The following TBXAS1 variants were observed in gnomAD, a reference collection of about 807,000 sequenced individuals.
TBXAS1 encodes thromboxane A synthase 1.
In TBXAS1, 48 loss-of-function variants were observed where a neutral mutation model predicts 60.7. That is an observed-to-expected ratio of 0.79 (90% CI 0.63 to 1.01). The LOEUF is 1.01. Among genes scored for constraint, TBXAS1 ranks in the 50% least tolerant of loss-of-function variants. The pLI, the probability that TBXAS1 is intolerant of heterozygous loss-of-function variation, is 0.00. For missense variants in TBXAS1, 685 were observed against 686.3 expected (o/e 1.00, Z 0.02); for synonymous variants, 287 against 269.7 (o/e 1.06, Z -0.63).
chr7:139,803,746 T>A (rs4726776), intron 4 of TBXAS1, among the ~76,000 whole-genome samples: 87,800 of 152,066 alleles, frequency 0.58, 25,971 homozygotes, highest in East Asian at 0.95. Flanking sequence ...AGGTACCACT[T>A]GGACTTGTGG....
upstream of TBXAS1, among the ~76,000 whole-genome samples, chr7:139,828,033 A>C (rs1798494436): frequency 6.6e-6 from 1 of 152,076 alleles, no homozygotes. Context: ...AGGTCTCTAG[A>C]TGGCTGCAGA....
chr7:139,871,026 C>G (rs995306717), intron 1 of TBXAS1, among the ~76,000 whole-genome samples: 1 of 152,124 alleles, frequency 6.6e-6, no homozygotes, highest in African/African-American at 2.4e-5. Context: ...GAGTTTTAGG[C>G]TGCAGTGAGC....
At chr7:139,838,448 A>T (rs1322121526) in intron 1 of TBXAS1, among the ~76,000 whole-genome samples, 2 of 152,172 alleles carry the variant, frequency 1.3e-5, no homozygotes, top group African/African-American at 2.4e-5. Flanking sequence ...AGTTCCATAC[A>T]GATCTAAATT....
At chr7:139,889,230 AG>A (rs1295996470) in intron 3 of TBXAS1, among the ~76,000 whole-genome samples, 1 of 151,786 alleles carries the variant, frequency 6.6e-6, no homozygotes, top group African/African-American at 2.4e-5. Flanking sequence ...AGTACTTTGG[AG>A]GCTGAGATAG....
intron 1 of TBXAS1, among the ~76,000 whole-genome samples, chr7:139,858,105 T>G (rs1447956799): frequency 6.6e-6 from 1 of 152,186 alleles, no homozygotes; most frequent in Non-Finnish European, 1.5e-5. Context: ...ACACTCCATT[T>G]TAAGGCAGTT....
chr7:139,854,385 A>G (rs1014811408), intron 1 of TBXAS1, among the ~76,000 whole-genome samples: 5 of 152,162 alleles, frequency 3.3e-5, no homozygotes, highest in Admixed American at 2.0e-4. Flanking sequence ...TAGGTGCCAA[A>G]TAAAGGAGGT....
At chr7:139,795,289 G>A (rs1401386443) in intron 4 of TBXAS1, among the ~76,000 whole-genome samples, 2 of 124,648 alleles carry the variant, frequency 1.6e-5, no homozygotes, top group African/African-American at 6.3e-5. Context: ...TTTTTCATGT[G>A]TTTTTTGGCT....
chr7:139,877,020 C>T (rs1034539648), intron 3 of TBXAS1, among the ~76,000 whole-genome samples: 1 of 152,172 alleles, frequency 6.6e-6, no homozygotes, highest in African/African-American at 2.4e-5. Flanking sequence ...CCTGATGGTG[C>T]AAGAACATTA....
intron 9 of TBXAS1, among the ~76,000 whole-genome samples, chr7:139,998,071 G>T (rs1466686603): frequency 1.3e-5 from 2 of 152,180 alleles, no homozygotes; most frequent in Non-Finnish European, 1.5e-5. Flanking sequence ...ACACAACATG[G>T]GTGACTGTCA....
Position 139,948,277 on chromosome 7 carries a change from A to G in TBXAS1, c.451-5091A>G, listed in dbSNP as rs78914060. 3.5e-3 allele frequency among the ~76,000 whole-genome samples: 530 copies of G among 152,206 alleles called. 3 individuals are homozygous for G. The highest frequency in any genetic ancestry group is 0.012 in the African/African-American group (513 of 41,516). On this transcript the variant is annotated intron_variant, in intron 5 of 12. Coordinates refer to ENST00000448866, the MANE Select transcript of TBXAS1 (RefSeq NM_001061.7). ...CGCCATCTTGCTCTGTGCCCACAAGACCTGTTCTTTGTGCATGAGAGAGAG... is the reference window on the plus strand; with the variant it reads ...CGCCATCTTGCTCTGTGCCCACAAGGCCTGTTCTTTGTGCATGAGAGAGAG...
intron 4 of TBXAS1, among the ~76,000 whole-genome samples, chr7:139,933,991 C>T (rs759248506): frequency 2.6e-5 from 4 of 152,136 alleles, no homozygotes; most frequent in Non-Finnish European, 5.9e-5. Flanking sequence ...GTCCTCACCT[C>T]GGAGAAGCCT....
chr7:140,007,014 A>C, intron 9 of TBXAS1, 77 bp from the exon 10 acceptor site: 1 of 1,392,670 alleles, frequency 7.2e-7, no homozygotes, highest in Non-Finnish European at 1.0e-6. Flanking sequence ...AACGAGATTG[A>C]AATTTAAGGA....
chr7:139,985,336 C>T (rs1483149860), intron 9 of TBXAS1, among the ~76,000 whole-genome samples: 1 of 152,172 alleles, frequency 6.6e-6, no homozygotes, highest in East Asian at 1.9e-4. Context: ...TGTCTGTGTC[C>T]CTCTAGAGGG....
chr7:139,927,181 A>G (rs1227706602), intron 4 of TBXAS1, among the ~76,000 whole-genome samples: 2 of 147,348 alleles, frequency 1.4e-5, no homozygotes, highest in Non-Finnish European at 3.0e-5. Context: ...TTTTTTCCGT[A>G]CAGACAGGAT....
intron 1 of TBXAS1, among the ~76,000 whole-genome samples, chr7:139,835,953 C>T (rs1438854426): frequency 6.6e-6 from 1 of 151,942 alleles, no homozygotes; most frequent in Admixed American, 6.6e-5. Context: ...TTAACATCCA[C>T]ACATCAGTAG....
intron 1 of TBXAS1, among the ~76,000 whole-genome samples, chr7:139,838,331 A>G (rs149932717): frequency 1.3e-3 from 202 of 152,280 alleles, no homozygotes; most frequent in Non-Finnish European, 2.3e-3. Flanking sequence ...TGTCCCTCAC[A>G]ATGCCTGGCA....
chr7:139,853,613 T>A (rs1041787551), intron 1 of TBXAS1, among the ~76,000 whole-genome samples: 89 of 151,472 alleles, frequency 5.9e-4, no homozygotes, highest in African/African-American at 2.0e-3. Flanking sequence ...TTCCTTTTAT[T>A]ACGCAGGATC....
intron 4 of TBXAS1, among the ~76,000 whole-genome samples, chr7:139,817,251 C>T (rs1442489466): frequency 9.2e-5 from 14 of 151,896 alleles, no homozygotes; most frequent in African/African-American, 3.1e-4. Context: ...CAGCACTTGG[C>T]GCCCATCCCT....
intron 12 of TBXAS1, 151 bp downstream of exon 12, chr7:140,017,984 C>G: frequency 9.9e-7 from 1 of 1,013,912 alleles, no homozygotes; most frequent in South Asian, 1.6e-5. Context: ...GCCTCAGTTT[C>G]TTGATTCGTA....
Sources: allele counts gnomAD v4.1 joint callset (sites outside exome capture counted in the v4.1 genomes callset), GRCh38; gene constraint gnomAD v4.1.1; transcripts MANE v1.5; gene names NCBI Gene and HGNC (gene_info 2026-07-23, HGNC 2026-07-21).